Variants in TMEM132B observed in about 807,000 individuals in gnomAD.
TMEM132B encodes transmembrane protein 132B.
TMEM132B carries 18 observed loss-of-function variants against 90.8 expected under a neutral mutation model. The observed-to-expected ratio is 0.20, with a 90% CI of 0.14 to 0.29. TMEM132B has a LOEUF of 0.29. Ranked by LOEUF, TMEM132B falls within the 10% of genes least tolerant of loss-of-function variation. The pLI is 1.00. For missense variants in TMEM132B, 1,096 were observed against 1,326.8 expected (o/e 0.83, Z 2.70); for synonymous variants, 504 against 523.3 (o/e 0.96, Z 0.50).
intron 3 of TMEM132B, among the ~76,000 whole-genome samples, chr12:125,507,920 T>C (rs1882885285): frequency 6.6e-6 from 1 of 152,062 alleles, no homozygotes; most frequent in Admixed American, 6.6e-5. Flanking sequence ...TAGGAGGTTA[T>C]TGCAGTCGCC....
At chr12:125,446,702 A>G (rs555283769) in intron 3 of TMEM132B, among the ~76,000 whole-genome samples, 2 of 152,324 alleles carry the variant, frequency 1.3e-5, no homozygotes, top group Admixed American at 6.5e-5. Flanking sequence ...TGTCCTCTCC[A>G]GTTCAAGTCA....
At chr12:125,468,051 A>C (rs1881614914) in intron 3 of TMEM132B, among the ~76,000 whole-genome samples, 1 of 151,886 alleles carries the variant, frequency 6.6e-6, no homozygotes, top group African/African-American at 2.4e-5. Flanking sequence ...GGCTATTGTG[A>C]ATAATGCTGC....
intron 6 of TMEM132B, among the ~76,000 whole-genome samples, chr12:125,647,271 A>G (rs1210508798): frequency 1.3e-5 from 2 of 152,230 alleles, no homozygotes. Context: ...ACAAGAGGAG[A>G]AAAGGTGTCG....
chr12:125,636,586 T>C (rs1412704188), intron 5 of TMEM132B, among the ~76,000 whole-genome samples: 1 of 152,214 alleles, frequency 6.6e-6, no homozygotes, highest in African/African-American at 2.4e-5. Flanking sequence ...AGCTGTAGTG[T>C]GTCTAGCATG....
chr12:125,387,277 C>T (rs761016231), intron 2 of TMEM132B, among the ~76,000 whole-genome samples: 4 of 152,154 alleles, frequency 2.6e-5, no homozygotes, highest in Non-Finnish European at 4.4e-5. Flanking sequence ...AGCACTGTAG[C>T]TTAGTCCACA....
At chr12:125,275,312 C>T (rs1323791468) in intron 1 of TMEM132B, among the ~76,000 whole-genome samples, 3 of 152,224 alleles carry the variant, frequency 2.0e-5, no homozygotes, top group African/African-American at 7.2e-5. Context: ...AATTTGAGGT[C>T]ATCTTAGGTT....
chr12:125,567,796 C>T (rs1177058746), intron 4 of TMEM132B, among the ~76,000 whole-genome samples: 1 of 151,068 alleles, frequency 6.6e-6, no homozygotes, highest in Non-Finnish European at 1.5e-5. Flanking sequence ...TTTTTTTTTT[C>T]CCCCAGGCAA....
intron 1 of TMEM132B, among the ~76,000 whole-genome samples, chr12:125,305,439 G>A (rs763693891): frequency 4.6e-5 from 7 of 151,918 alleles, no homozygotes; most frequent in Non-Finnish European, 1.0e-4. Flanking sequence ...AAAGCCCAGG[G>A]TAGGGGGGGG....
chr12:125,632,689 C>T (rs1373775133), intron 5 of TMEM132B, among the ~76,000 whole-genome samples: 2 of 151,468 alleles, frequency 1.3e-5, no homozygotes, highest in Non-Finnish European at 2.9e-5. Flanking sequence ...TTTTTTTTTC[C>T]TCCTTCAGCA....
chr12:125,234,211 C>T (rs1194524360), intron 1 of TMEM132B, among the ~76,000 whole-genome samples: 1 of 152,140 alleles, frequency 6.6e-6, no homozygotes, highest in Non-Finnish European at 1.5e-5. Flanking sequence ...GTTTTTGCAT[C>T]CTCCTCTTGT....
chr12:125,286,006 A>G (rs1025559047), intron 1 of TMEM132B, among the ~76,000 whole-genome samples: 6 of 152,206 alleles, frequency 3.9e-5, no homozygotes, highest in African/African-American at 9.7e-5. Context: ...AGGACCAGCC[A>G]TGGGAAACAA....
At chr12:125,212,463 C>T (rs1185251217) in intron 1 of TMEM132B, among the ~76,000 whole-genome samples, 9 of 151,928 alleles carry the variant, frequency 5.9e-5, no homozygotes, top group African/African-American at 2.2e-4. Context: ...GAGGCCGAGG[C>T]GGGTGGATCA....
At chr12:125,619,332 ATT>A (rs1886064461) in intron 5 of TMEM132B, among the ~76,000 whole-genome samples, 1 of 76 alleles carries the variant, frequency 0.013, no homozygotes, top group Non-Finnish European at 0.062. Flanking sequence ...ATTTATTTAT[ATT>A]TATTTATTTA....
chr12:125,407,028 A>G lies in TMEM132B; in HGVS notation c.960-8503A>G, dbSNP rs1212411217. On this transcript the variant is annotated intron_variant, in intron 2 of 8. Transcript: ENST00000682704. The surrounding 1 kb of genome is among the most constrained non-coding windows in gnomAD (Gnocchi z 6.7). ...CAACCATAGGCACAGAGTGCTGCCA[A>G]CTGGGGGAGCTCACCCAAGCTTGGT... is the stretch of plus-strand genomic sequence containing the variant. Among the ~76,000 whole-genome samples, 9 of 152,150 alleles carry G rather than the reference A, an allele frequency of 5.9e-5. No individual in the cohort carries two copies. The highest frequency in any genetic ancestry group is 1.5e-5 in the Non-Finnish European group (1 of 68,026).
intron 5 of TMEM132B, 23 bp downstream of exon 5, chr12:125,584,017 C>A (rs772192988): frequency 2.4e-5 from 38 of 1,613,858 alleles, no homozygotes; most frequent in Middle Eastern, 1.6e-4. Context: ...TTATCTACAG[C>A]TGTCCTAAGT....
chr12:125,327,798 A>C (rs936945821), intron 1 of TMEM132B, among the ~76,000 whole-genome samples: 2 of 147,434 alleles, frequency 1.4e-5, no homozygotes, highest in African/African-American at 5.3e-5. Flanking sequence ...CCAAGGTTTT[A>C]AAAAAAAAAT....
intron 6 of TMEM132B, among the ~76,000 whole-genome samples, chr12:125,648,493 C>T (rs937903707): frequency 6.8e-6 from 1 of 147,584 alleles, no homozygotes; most frequent in African/African-American, 2.5e-5. Context: ...AAGATGCTAA[C>T]TTCAGGGAAT....
At chr12:125,583,486 A>T (rs1885102872) in intron 4 of TMEM132B, among the ~76,000 whole-genome samples, 1 of 152,152 alleles carries the variant, frequency 6.6e-6, no homozygotes, top group African/African-American at 2.4e-5. Flanking sequence ...TTCACTTCCC[A>T]AATGATCCTT....
intron 5 of TMEM132B, among the ~76,000 whole-genome samples, chr12:125,628,260 C>T (rs1408172885): frequency 6.6e-6 from 1 of 152,152 alleles, no homozygotes; most frequent in African/African-American, 2.4e-5. Flanking sequence ...ATTTACATTC[C>T]TATCAGGAGT....
Sources: allele counts gnomAD v4.1 joint callset (sites outside exome capture counted in the v4.1 genomes callset), GRCh38; gene constraint gnomAD v4.1.1; non-coding constraint Gnocchi (gnomAD v3.1); transcripts MANE v1.5; gene names NCBI Gene and HGNC (gene_info 2026-07-23, HGNC 2026-07-21).